GNG7: variants seen among roughly 807,000 people sequenced by gnomAD.
GNG7 encodes guanine nucleotide-binding protein G(I)/G(S)/G(O) subunit gamma-7.
In GNG7, 1 loss-of-function variant was observed where a neutral mutation model predicts 4.0. The observed-to-expected ratio is 0.25, with a 90% confidence interval of 0.09 to 1.18. The LOEUF is 1.18. GNG7 is among the 50% of genes most tolerant of loss of function. GNG7 has a pLI of 0.50. For synonymous variants in GNG7, 34 were observed against 36.9 expected, an observed-to-expected ratio of 0.92 and a Z score of 0.29; for missense variants, 86 against 91.9, an observed-to-expected ratio of 0.94 and a Z score of 0.26.
At chr19:2,659,987 T>C (rs929271863) in intron 1 of GNG7, among the ~76,000 whole-genome samples, 5 of 151,896 alleles carry the variant, frequency 3.3e-5, no homozygotes, top group African/African-American at 1.2e-4. Context: ...AGGATCAAAA[T>C]CTCCTGGCCA....
Position 2,589,299 on chromosome 19 carries a change from T to G in GNG7, c.-77-34111A>C, listed in dbSNP as rs1026117970. ...GTGCAGTGGCGCGATATCAGCTCAC[T>G]GTAACCTCCGCCTCCTGGGTTCAAG... On this transcript the variant is annotated intron_variant, in intron 2 of 4. Transcript: ENST00000382159. Among the ~76,000 whole-genome samples, 5 of 148,862 alleles carry G rather than the reference T, an allele frequency of 3.4e-5. No individual in the cohort carries two copies. The Admixed American group carries it at 3.4e-4, about 10-fold the overall frequency.
intron 2 of GNG7, among the ~76,000 whole-genome samples, chr19:2,577,379 G>T (rs1158402772): frequency 1.3e-5 from 2 of 152,144 alleles, no homozygotes; most frequent in Non-Finnish European, 2.9e-5. Flanking sequence ...TAGGACCGGG[G>T]TCCCTGTTTC....
chr19:2,535,706 A>C (rs1476410546), intron 3 of GNG7, among the ~76,000 whole-genome samples: 1 of 152,128 alleles, frequency 6.6e-6, no homozygotes, highest in African/African-American at 2.4e-5. Flanking sequence ...CATGTTTTTT[A>C]ATGGCTTCTA....
At chr19:2,566,656 T>C (rs1979918848) in intron 2 of GNG7, among the ~76,000 whole-genome samples, 1 of 152,112 alleles carries the variant, frequency 6.6e-6, no homozygotes, top group African/African-American at 2.4e-5. Context: ...GGCAACATTT[T>C]CCTGTAAAAG....
chr19:2,640,106 AAGGAGGGAGGGAGGGG>A (rs1343857061), intron 2 of GNG7, among the ~76,000 whole-genome samples: 1 of 77,850 alleles, frequency 1.3e-5, no homozygotes, highest in Non-Finnish European at 2.5e-5. Flanking sequence ...GGAGGGAGGG[AAGGAGGGAGGGAGGGG>A]AGGAGGGAGG....
chr19:2,669,928 T>C (rs1331740273), intron 1 of GNG7, among the ~76,000 whole-genome samples: 1 of 150,402 alleles, frequency 6.6e-6, no homozygotes, highest in African/African-American at 2.5e-5. Flanking sequence ...GAGAATCACT[T>C]GAACTCGGGA....
chr19:2,634,466 G>A lies in GNG7; in HGVS notation c.-78+11758C>T, dbSNP rs767699758. On this transcript the variant is annotated intron_variant, in intron 2 of 4. Transcript: ENST00000382159. This position sits in a 1 kb window ranked among gnomAD's most constrained non-coding sequence, Gnocchi z 5.3. ...GTCATGTCCAAGCTCTCCTACCGCC[G>A]GGAAGCACTGCCTTGTCCTGGGCTA... 5.3e-5 allele frequency among the ~76,000 whole-genome samples: 8 copies of A among 152,180 alleles called. No homozygotes were observed. Among genetic ancestry groups the A allele is most frequent in the Non-Finnish European group, 5.9e-5 (4 of 68,032 alleles).
intron 3 of GNG7, among the ~76,000 whole-genome samples, chr19:2,536,431 A>G (rs762194652): frequency 1.3e-5 from 2 of 151,280 alleles, no homozygotes; most frequent in Non-Finnish European, 2.9e-5. Context: ...AAAAAAAAAG[A>G]AAAGAAAAGA....
chr19:2,547,767 C>T (rs1979176524), intron 3 of GNG7, among the ~76,000 whole-genome samples: 1 of 152,212 alleles, frequency 6.6e-6, no homozygotes, highest in African/African-American at 2.4e-5. Flanking sequence ...TTCCTGGAAC[C>T]CACTCTGTTC....
At chr19:2,646,045 C>G (rs1231753301) in intron 2 of GNG7, among the ~76,000 whole-genome samples, 179 bp downstream of exon 2, 1 of 152,154 alleles carries the variant, frequency 6.6e-6, no homozygotes, top group African/African-American at 2.4e-5. Context: ...CTGCCAGGAG[C>G]TAGCAGCTGT....
intron 2 of GNG7, among the ~76,000 whole-genome samples, chr19:2,568,820 A>G (rs1980050654): frequency 6.6e-6 from 1 of 152,130 alleles, no homozygotes; most frequent in African/African-American, 2.4e-5. Flanking sequence ...ACACACATAT[A>G]CACACAAATA....
At chr19:2,655,838 GAAAAAAAAAAAA>G (rs56041767) in intron 1 of GNG7, among the ~76,000 whole-genome samples, 1 of 54,760 alleles carries the variant, frequency 1.8e-5, no homozygotes, top group African/African-American at 7.3e-5. Flanking sequence ...GGCTCCGTCT[GAAAAAAAAAAAA>G]AAAAAAAAAA....
At chr19:2,661,328 G>GAAAGAAAGAAAGAAAGAA (rs1983167971) in intron 1 of GNG7, among the ~76,000 whole-genome samples, 3 of 142,906 alleles carry the variant, frequency 2.1e-5, no homozygotes, top group Non-Finnish European at 4.6e-5. Flanking sequence ...AAGAAAGAAA[G>GAAAGAAAGAAAGAAAGAA]AAAGAAAGAA....
intron 2 of GNG7, among the ~76,000 whole-genome samples, chr19:2,636,939 C>T (rs1044827818): frequency 1.3e-5 from 2 of 151,740 alleles, no homozygotes; most frequent in Non-Finnish European, 2.9e-5. Context: ...TCTGCACCTC[C>T]GTCCCCACTT....
Position 2,511,897 on chromosome 19 carries a change from A to G in GNG7, c.*3125T>C. On this transcript the variant is annotated 3_prime_UTR_variant, in exon 5 of 5. Coordinates refer to ENST00000382159, the MANE Select transcript of GNG7 (RefSeq NM_052847.3). The surrounding 1 kb of genome is among the most constrained non-coding windows in gnomAD (Gnocchi z 6.3). ...GTTCTGGCTCCTTCCTGGAGAGAGG[A>G]GGGCAGGGGAGGCGGAGCTGGTCCG... 3 of 986,138 alleles carry G rather than the reference A, an allele frequency of 3.0e-6. No individual in the cohort carries two copies. Among genetic ancestry groups the G allele is most frequent in the Non-Finnish European group, 3.6e-6 (3 of 830,224 alleles). 61.1% of individuals were successfully genotyped at this position (986,138 alleles called of 1,614,324 possible). A position where few individuals can be genotyped will look rare whatever the true frequency, so the allele number is the denominator to read the frequency against.
Position 2,633,367 on chromosome 19 carries a change from G to T in GNG7, c.-78+12857C>A, listed in dbSNP as rs1273175090. On this transcript the variant is annotated intron_variant, in intron 2 of 4. Coordinates refer to ENST00000382159, the MANE Select transcript of GNG7 (RefSeq NM_052847.3). The surrounding 1 kb of genome is among the most constrained non-coding windows in gnomAD (Gnocchi z 5.9). Reference sequence around the variant, plus strand: ...CGACTGTCACCGCCGTGTGTATTTTGAGTCAAAGGCGGCCAAGGCTCGATG... The same window carrying T: ...CGACTGTCACCGCCGTGTGTATTTTTAGTCAAAGGCGGCCAAGGCTCGATG... 6.6e-6 allele frequency among the ~76,000 whole-genome samples: 1 copy of T among 152,180 alleles called. No homozygotes were observed. Among genetic ancestry groups the T allele is most frequent in the Non-Finnish European group, 1.5e-5 (1 of 68,030 alleles).
At chr19:2,521,617 T>TTTTTTG (rs1978309271) in intron 3 of GNG7, among the ~76,000 whole-genome samples, 1 of 141,478 alleles carries the variant, frequency 7.1e-6, no homozygotes, top group Non-Finnish European at 1.5e-5. Flanking sequence ...TCCGTGTTTT[T>TTTTTTG]TTTTTTTTTT....
chr19:2,573,035 T>C (rs2144782786), intron 2 of GNG7, among the ~76,000 whole-genome samples: 1 of 149,916 alleles, frequency 6.7e-6, no homozygotes, highest in South Asian at 2.2e-4. Flanking sequence ...TTTTTTTTTT[T>C]TTTGTTTTGA....
At chr19:2,540,070 C>T (rs1978907083) in intron 3 of GNG7, among the ~76,000 whole-genome samples, 1 of 116,474 alleles carries the variant, frequency 8.6e-6, no homozygotes, top group African/African-American at 3.4e-5. Flanking sequence ...TCCCTCCTCC[C>T]TCCCTCTCTC....
Sources: allele counts gnomAD v4.1 joint callset (sites outside exome capture counted in the v4.1 genomes callset), GRCh38; gene constraint gnomAD v4.1.1; non-coding constraint Gnocchi (gnomAD v3.1); transcripts MANE v1.5; gene names NCBI Gene and HGNC (gene_info 2026-07-23, HGNC 2026-07-21).